The following CDK8 variants were observed in gnomAD, a reference collection of about 807,000 sequenced individuals.
CDK8 encodes the protein cyclin-dependent kinase 8.
A neutral mutation model predicts 71.5 loss-of-function variants in CDK8; 29 were observed. That is an observed-to-expected ratio of 0.41 (90% CI 0.30 to 0.55). The LOEUF (loss-of-function observed/expected upper bound fraction) is 0.55. Ranked by LOEUF, CDK8 falls within the 20% of genes least tolerant of loss-of-function variation. The probability of loss-of-function intolerance (pLI) is 0.37; values close to 1 mark genes in which losing one functional copy is unlikely to be tolerated. For synonymous variants in CDK8, 161 were observed against 192.1 expected (o/e 0.84, Z 1.34); for missense variants, 288 against 572.6 (o/e 0.50, Z 5.07).
At chr13:26,352,936 G>A (rs927837413) in intron 3 of CDK8, among the ~76,000 whole-genome samples, 1 of 151,992 alleles carries the variant, frequency 6.6e-6, no homozygotes, top group Non-Finnish European at 1.5e-5. Context: ...ACATGTATTG[G>A]CCAAGGGTCT....
chr13:26,394,669 A>G (rs1875901549), intron 7 of CDK8, among the ~76,000 whole-genome samples: 1 of 152,170 alleles, frequency 6.6e-6, no homozygotes, highest in Non-Finnish European at 1.5e-5. Flanking sequence ...GAGGGAGTAG[A>G]TGTGGTGAAG....
At chr13:26,278,943 A>G (rs9581616) in intron 1 of CDK8, among the ~76,000 whole-genome samples, 16,476 of 152,134 alleles carry the variant, frequency 0.11, 2,646 homozygotes, top group African/African-American at 0.35. Context: ...AAGTAATCAA[A>G]AGACGATTTA....
intron 1 of CDK8, among the ~76,000 whole-genome samples, chr13:26,262,088 G>T (rs1405275908): frequency 6.6e-6 from 1 of 152,218 alleles, no homozygotes; most frequent in African/African-American, 2.4e-5. Context: ...AGCACCTTGT[G>T]CTGGAAATGC....
intron 1 of CDK8, among the ~76,000 whole-genome samples, chr13:26,318,180 A>G (rs1264570712): frequency 1.3e-5 from 2 of 152,148 alleles, no homozygotes; most frequent in African/African-American, 2.4e-5. Flanking sequence ...CCAATAAATC[A>G]GATAACCTAG....
chr13:26,274,943 A>G (rs1340145761), intron 1 of CDK8, among the ~76,000 whole-genome samples: 3 of 152,200 alleles, frequency 2.0e-5, no homozygotes, highest in Non-Finnish European at 4.4e-5. Flanking sequence ...GGGTTTCAAA[A>G]TTACAGTTAA....
At chr13:26,284,959 C>T (rs1872934145) in intron 1 of CDK8, among the ~76,000 whole-genome samples, 1 of 145,734 alleles carries the variant, frequency 6.9e-6, no homozygotes, top group African/African-American at 2.6e-5. Context: ...AAAAAAAAGT[C>T]TGGGTACAGT....
At chr13:26,371,142 A>G (rs1307975443) in intron 4 of CDK8, among the ~76,000 whole-genome samples, 1 of 152,138 alleles carries the variant, frequency 6.6e-6, no homozygotes, top group Non-Finnish European at 1.5e-5. Flanking sequence ...TCACTGTGGT[A>G]GTGAATCATT....
intron 4 of CDK8, among the ~76,000 whole-genome samples, chr13:26,370,827 T>G (rs1407250489): frequency 6.6e-6 from 1 of 152,226 alleles, no homozygotes; most frequent in Non-Finnish European, 1.5e-5. Flanking sequence ...TCTGGAACTG[T>G]GTCCAACAAA....
chr13:26,387,640 C>T (rs1875542151), intron 6 of CDK8, among the ~76,000 whole-genome samples: 1 of 152,156 alleles, frequency 6.6e-6, no homozygotes, highest in Non-Finnish European at 1.5e-5. Flanking sequence ...TTCCCAAGAA[C>T]AAAATCTTCG....
chr13:26,323,481 A>G (rs1199850983), intron 1 of CDK8, among the ~76,000 whole-genome samples: 1 of 152,116 alleles, frequency 6.6e-6, no homozygotes, highest in African/African-American at 2.4e-5. Context: ...CCCAAGGCCC[A>G]TATCCAAATA....
chr13:26,294,336 T>C (rs1873444662), intron 1 of CDK8, among the ~76,000 whole-genome samples: 1 of 152,108 alleles, frequency 6.6e-6, no homozygotes, highest in South Asian at 2.1e-4. Context: ...CTGTCGATGA[T>C]TCTTATGTGA....
intron 1 of CDK8, among the ~76,000 whole-genome samples, chr13:26,281,158 C>T (rs1872729390): frequency 6.6e-6 from 1 of 152,240 alleles, no homozygotes; most frequent in African/African-American, 2.4e-5. Flanking sequence ...TGTGACAACA[C>T]TGCTAGCATA....
chr13:26,298,249 T>C (rs1280041922), intron 1 of CDK8, among the ~76,000 whole-genome samples: 1 of 152,054 alleles, frequency 6.6e-6, no homozygotes, highest in African/African-American at 2.4e-5. Context: ...TCAGAGGTAA[T>C]ATTTCTAGGT....
intron 1 of CDK8, among the ~76,000 whole-genome samples, chr13:26,291,646 T>C (rs1873306229): frequency 6.6e-6 from 1 of 152,234 alleles, no homozygotes; most frequent in Non-Finnish European, 1.5e-5. Context: ...TTTTTCTCTC[T>C]AATTTCAGCG....
chr13:26,335,840 C>A (rs1032941281), intron 1 of CDK8, among the ~76,000 whole-genome samples: 3 of 151,998 alleles, frequency 2.0e-5, no homozygotes, highest in Non-Finnish European at 4.4e-5. Flanking sequence ...TGCCTCCTTT[C>A]CTTATTTACT....
chr13:26,347,531 T>A (rs2137989250), intron 2 of CDK8, among the ~76,000 whole-genome samples: 1 of 152,292 alleles, frequency 6.6e-6, no homozygotes, highest in South Asian at 2.1e-4. Flanking sequence ...ATAAATCATA[T>A]ATTTGATAAG....
intron 1 of CDK8, among the ~76,000 whole-genome samples, chr13:26,303,519 C>CA (rs1216992624): frequency 2.6e-5 from 4 of 152,142 alleles, no homozygotes; most frequent in African/African-American, 9.7e-5. Context: ...GCAGGCTGGT[C>CA]ATGAACTCCT....
chr13:26,266,532 A>G (rs957456007), intron 1 of CDK8, among the ~76,000 whole-genome samples: 1 of 152,214 alleles, frequency 6.6e-6, no homozygotes, highest in African/African-American at 2.4e-5. Flanking sequence ...AATAACAGCC[A>G]GGAAGAGTCT....
chr13:26,295,615 A>ATTTGGG (rs1873519572), intron 1 of CDK8, among the ~76,000 whole-genome samples: 1 of 152,206 alleles, frequency 6.6e-6, no homozygotes, highest in African/African-American at 2.4e-5. Flanking sequence ...TTTTTCAGAT[A>ATTTGGG]AATATATTTG....
Sources: gnomAD v4.1 joint callset for allele counts (sites outside exome capture counted in the v4.1 genomes callset) on GRCh38, gnomAD v4.1.1 for gene constraint, MANE v1.5 for transcripts, NCBI Gene and HGNC (gene_info 2026-07-23, HGNC 2026-07-21) for gene names.